ARMCX4: variants seen among roughly 807,000 people sequenced by gnomAD.
ARMCX4 encodes the protein armadillo repeat containing X-linked 4.
In ARMCX4, 3 loss-of-function variants were observed where a neutral mutation model predicts 34.7. The ratio of observed to expected loss-of-function variants is 0.09; its 90% CI spans 0.04 to 0.22. ARMCX4 has a LOEUF of 0.22. Ranked by LOEUF, ARMCX4 falls within the 10% of genes least tolerant of loss-of-function variation. The pLI is 1.00. For synonymous variants in ARMCX4, 513 were observed against 632.8 expected (o/e 0.81, Z 2.84); for missense variants, 1,448 against 1,720.8 (o/e 0.84, Z 2.81).
intron 2 of ARMCX4, among the ~76,000 whole-genome samples, chrX:101,435,808 A>G (rs1322285816): frequency 7.2e-5 from 8 of 110,538 alleles, no homozygotes; most frequent in African/African-American, 2.6e-4. Flanking sequence ...TCCATCTTGA[A>G]TTAATTTTTG....
chrX:101,512,095 T>A (rs1556016446), intron 11 of ARMCX4, among the ~76,000 whole-genome samples: 1 of 111,253 alleles, frequency 9.0e-6, no homozygotes, highest in Non-Finnish European at 1.9e-5. Flanking sequence ...AAATTTCAAC[T>A]AATGGGCTGG....
intron 11 of ARMCX4, among the ~76,000 whole-genome samples, chrX:101,517,430 C>T (rs963861814): frequency 9.0e-6 from 1 of 111,409 alleles, no homozygotes; most frequent in Non-Finnish European, 1.9e-5. Context: ...GCAGCCTTGA[C>T]CTCCTGGTCT....
intron 11 of ARMCX4, chrX:101,524,111 G>C (rs192563668): frequency 1.8e-5 from 2 of 111,515 alleles, no homozygotes; most frequent in Admixed American, 1.9e-4. Context: ...CTGTGAGATA[G>C]TTCTAGGAAG....
exon 12 of ARMCX4, chrX:101,532,010 A>T (rs1266535922): frequency 1.8e-5 from 2 of 112,286 alleles, no homozygotes; most frequent in African/African-American, 6.5e-5. Context: ...AACTCATTTA[A>T]TGGTAAGTGA....
intron 4 of ARMCX4, among the ~76,000 whole-genome samples, chrX:101,477,066 G>T (rs1933221751): frequency 9.0e-6 from 1 of 111,021 alleles, no homozygotes; most frequent in Non-Finnish European, 1.9e-5. Flanking sequence ...CAGACAAAAT[G>T]GATCATATAT....
chrX:101,480,105 A>T (rs1556005085), intron 4 of ARMCX4, among the ~76,000 whole-genome samples: 1 of 99,344 alleles, frequency 1.0e-5, no homozygotes, highest in Non-Finnish European at 2.0e-5. Context: ...TATTATATGA[A>T]TGGTGCTAGG....
intron 4 of ARMCX4, among the ~76,000 whole-genome samples, chrX:101,453,930 C>T (rs887718230): frequency 3.4e-4 from 37 of 110,342 alleles, no homozygotes; most frequent in African/African-American, 1.2e-3. Flanking sequence ...GGAGCCTGGA[C>T]CATGAAGAGT....
chrX:101,477,582 T>C (rs1933257750), intron 4 of ARMCX4, among the ~76,000 whole-genome samples: 1 of 109,463 alleles, frequency 9.1e-6, no homozygotes, highest in Non-Finnish European at 1.9e-5. Flanking sequence ...TCTCTTGTTA[T>C]ATAAACTAAT....
At chrX:101,510,713 T>G (rs1468709726) in intron 10 of ARMCX4, among the ~76,000 whole-genome samples, 24 of 112,094 alleles carry the variant, frequency 2.1e-4, no homozygotes, top group African/African-American at 7.8e-4. Flanking sequence ...ATTGTGTTAC[T>G]GTTGTCTCCT....
Position 101,492,148 on chromosome X carries a change from G to C in ARMCX4, c.3559G>C (p.Ala1187Pro), listed in dbSNP as rs782740612. The C allele has an allele frequency of 6.4e-5, 74 of 1,151,274 alleles. No homozygotes were observed. The highest frequency in any genetic ancestry group is 8.0e-5 in the Non-Finnish European group (70 of 871,383). The allele number at this position is 1,151,274 out of a possible 1,213,427, so 94.9% of individuals were successfully genotyped here. ...IGTWARAGEQASGGLWAGGQT... is the reference protein window; with the variant it reads ...IGTWARAGEQPSGGLWAGGQT... The stretch of plus-strand genomic sequence containing the variant: ...GACTTGGGCTAGAGCTGGGGAGCAG[G>C]CCAGTGGAGGGCTCTGGGCTGGGGG... The change falls in exon 6 of 6, where the codon GCC becomes CCC. Residue 1187 changes from alanine (A) to proline (P), a missense_variant. Transcript: ENST00000423738.
intron 2 of ARMCX4, among the ~76,000 whole-genome samples, chrX:101,432,082 C>T (rs1555992168): frequency 8.9e-6 from 1 of 112,284 alleles, no homozygotes; most frequent in Non-Finnish European, 1.9e-5. Context: ...TAAAAATTGA[C>T]ATTATAACAT....
At chrX:101,532,324 C>T (rs1158005344) in intron 12 of ARMCX4, 6 of 111,477 alleles carry the variant, frequency 5.4e-5, no homozygotes, top group African/African-American at 2.0e-4. Flanking sequence ...GTCTCCACAA[C>T]CTTGGGCTCT....
chrX:101,456,728 A>T (rs975793017), intron 4 of ARMCX4, among the ~76,000 whole-genome samples: 7 of 111,284 alleles, frequency 6.3e-5, no homozygotes, highest in Non-Finnish European at 1.1e-4. Context: ...TTCATCAAAC[A>T]ATTAACAATA....
chrX:101,480,131 C>G (rs1350205005), intron 4 of ARMCX4, among the ~76,000 whole-genome samples: 3 of 82,324 alleles, frequency 3.6e-5, no homozygotes, highest in African/African-American at 9.1e-5. Context: ...GAGACACACA[C>G]ACACACACAC....
Position 101,488,896 on chromosome X carries a change from G to C in ARMCX4, c.307G>C (p.Ala103Pro). The C allele has an allele frequency of 1.7e-6, 2 of 1,156,231 alleles. No homozygotes were observed. Among genetic ancestry groups the C allele is most frequent in the Non-Finnish European group, 2.3e-6 (2 of 873,054 alleles). ...AGCCATACACAGAGCCAACTCTCAG[G>C]CCAAGGCAATGGTTGGGGCAGAGCC... Reference protein sequence around the residue: ...AIAIHRANSQAKAMVGAEPET... With the variant: ...AIAIHRANSQPKAMVGAEPET... Residue 103 changes from alanine to proline, a missense_variant, in exon 6 of 6, where the codon GCC becomes CCC. Physicochemically the swap from Ala to Pro is conservative, Grantham distance 27. Coordinates refer to ENST00000423738, the MANE Select transcript of ARMCX4 (RefSeq NM_001256155.3).
rs782135466 is a variant in ARMCX4, at chrX:101,431,838, T to C, written n.165-12214T>C. Reference sequence around the variant, plus strand: ...GATTATAGGCGTGAGCCACCACGCCTGGCCTGCACCATGTTTCTTAAAGGC... The same window carrying C: ...GATTATAGGCGTGAGCCACCACGCCCGGCCTGCACCATGTTTCTTAAAGGC... On this transcript the variant is annotated intron_variant and non_coding_transcript_variant, in intron 2 of 3. Coordinates refer to the ARMCX4 transcript ENST00000430461. Among the ~76,000 whole-genome samples, 25 of 112,669 alleles carry C rather than the reference T, an allele frequency of 2.2e-4. No individual in the cohort carries two copies. The East Asian group carries it at 3.6e-3, about 16-fold the overall frequency.
chrX:101,475,116 C>A, intron 4 of ARMCX4, among the ~76,000 whole-genome samples: 1 of 110,491 alleles, frequency 9.1e-6, no homozygotes, highest in Non-Finnish European at 1.9e-5. Flanking sequence ...CAAGACCAGC[C>A]TGTGCAGCAT....
chrX:101,527,048 C>T (rs1349259717), intron 11 of ARMCX4, among the ~76,000 whole-genome samples: 3 of 111,788 alleles, frequency 2.7e-5, no homozygotes, highest in Non-Finnish European at 5.6e-5. Context: ...AGCACCACAT[C>T]GCACTTATTC....
chrX:101,432,739 C>CATATATATGT (rs1930158572), intron 2 of ARMCX4, among the ~76,000 whole-genome samples: 2 of 70,951 alleles, frequency 2.8e-5, no homozygotes, highest in African/African-American at 8.2e-5. Flanking sequence ...CACATATATA[C>CATATATATGT]GTATATATAT....
Sources: gnomAD v4.1 joint callset for allele counts (sites outside exome capture counted in the v4.1 genomes callset) on GRCh38, gnomAD v4.1.1 for gene constraint, MANE v1.5 for transcripts, NCBI Gene and HGNC (gene_info 2026-07-23, HGNC 2026-07-21) for gene names.